Variants in GNG2 observed in about 807,000 individuals in gnomAD.
GNG2 encodes the protein G protein subunit gamma 2, also known as guanine nucleotide-binding protein G(I)/G(S)/G(O) subunit gamma-2.
GNG2 carries 5 observed loss-of-function variants against 5.5 expected under a neutral mutation model. The ratio of observed to expected loss-of-function variants is 0.91; its 90% CI spans 0.48 to 1.92. The LOEUF (loss-of-function observed/expected upper bound fraction) is 1.92. Ranked by LOEUF, GNG2 falls within the 30% of genes most tolerant of loss-of-function variation. The pLI, the probability that GNG2 is intolerant of heterozygous loss-of-function variation, is 0.01. For missense variants in GNG2, 55 were observed against 88.4 expected (o/e 0.62, Z 1.52); for synonymous variants, 28 against 32.0 (o/e 0.88, Z 0.42).
intron 3 of GNG2, among the ~76,000 whole-genome samples, chr14:51,952,908 A>G (rs912031690): frequency 8.5e-5 from 13 of 152,212 alleles, no homozygotes; most frequent in African/African-American, 3.1e-4. Flanking sequence ...ATGATTCCCC[A>G]TCACCAGTAA....
intron 2 of GNG2, among the ~76,000 whole-genome samples, chr14:51,918,015 G>A (rs546043589): frequency 1.4e-5 from 2 of 139,738 alleles, no homozygotes; most frequent in Admixed American, 1.5e-4. Flanking sequence ...AAGAGAGAGA[G>A]ACTCCATCTC....
rs572651600 is a variant in GNG2, at chr14:51,925,627, T to C, written c.-29-25023T>C. ...TGAAGTCTTTTCTTTTATATTATTT[T>C]TTGAGACAGGGTCTCACTCTATCAC... On this transcript the variant is annotated intron_variant, in intron 2 of 3. Transcript: ENST00000556766. 5.9e-5 allele frequency among the ~76,000 whole-genome samples: 9 copies of C among 152,318 alleles called. No homozygotes were observed. The East Asian group carries it at 1.3e-3, about 23-fold the overall frequency.
intron 3 of GNG2, chr14:51,952,079 G>C: frequency 3.3e-6 from 2 of 598,156 alleles, no homozygotes; most frequent in South Asian, 4.1e-5. Context: ...GTATAGCCAA[G>C]GTTGAGAACC....
chr14:51,836,950 C>A (rs77988830), intron 2 of GNG2, among the ~76,000 whole-genome samples: 33,671 of 150,366 alleles, frequency 0.22, 4,460 homozygotes, highest in African/African-American at 0.36. Flanking sequence ...CTCTGCCTCC[C>A]GGGTTCAAGC....
chr14:51,865,362 T>C (rs978644070), intron 1 of GNG2, among the ~76,000 whole-genome samples: 3 of 152,138 alleles, frequency 2.0e-5, no homozygotes, highest in Non-Finnish European at 4.4e-5. Flanking sequence ...CTATGTTAAT[T>C]AGCCTGATTT....
chr14:51,852,962 TC>T (rs1393184536), intron 2 of GNG2, among the ~76,000 whole-genome samples: 4 of 152,184 alleles, frequency 2.6e-5, no homozygotes, highest in African/African-American at 9.7e-5. Flanking sequence ...TATTACTTGG[TC>T]GGTAACTTCA....
intron 3 of GNG2, among the ~76,000 whole-genome samples, chr14:51,955,322 A>G (rs140684258): frequency 0.011 from 1,665 of 152,104 alleles, 19 homozygotes; most frequent in Middle Eastern, 0.02. Context: ...GCCTCTCCCA[A>G]TCTTATTCCT....
intron 2 of GNG2, chr14:51,914,090 C>A: frequency 4.9e-6 from 3 of 609,292 alleles, no homozygotes; most frequent in Non-Finnish European, 8.9e-6. Flanking sequence ...GCTTGCTTGC[C>A]TTTTTATCTA....
chr14:51,929,592 G>A (rs181378613), intron 2 of GNG2, among the ~76,000 whole-genome samples: 1 of 152,356 alleles, frequency 6.6e-6, no homozygotes, highest in East Asian at 1.9e-4. Flanking sequence ...AGTGATTGGA[G>A]GTGGGTGGGG....
chr14:51,900,515 T>C (rs1885479205), intron 2 of GNG2, among the ~76,000 whole-genome samples: 1 of 150,688 alleles, frequency 6.6e-6, no homozygotes, highest in Non-Finnish European at 1.5e-5. Flanking sequence ...TTTGGGGTTA[T>C]TTTTTCATTC....
intron 2 of GNG2, among the ~76,000 whole-genome samples, chr14:51,835,200 G>T (rs918438158): frequency 6.6e-6 from 1 of 152,184 alleles, no homozygotes; most frequent in Admixed American, 6.5e-5. Flanking sequence ...AACAATTACT[G>T]TAAGAAGCAA....
At chr14:51,839,085 G>A (rs1039723489) in intron 2 of GNG2, among the ~76,000 whole-genome samples, 26 of 152,134 alleles carry the variant, frequency 1.7e-4, no homozygotes, top group African/African-American at 5.3e-4. Flanking sequence ...TTGTGAGCCC[G>A]AAATATCTGA....
chr14:51,906,739 C>A (rs886929662), intron 2 of GNG2, among the ~76,000 whole-genome samples: 1 of 144,912 alleles, frequency 6.9e-6, no homozygotes, highest in African/African-American at 2.6e-5. Context: ...ATTTTGCATG[C>A]AGCCTGCTGG....
intron 2 of GNG2, chr14:51,940,381 G>A (rs186675171): frequency 4.6e-5 from 7 of 152,362 alleles, no homozygotes; most frequent in African/African-American, 1.2e-4. Flanking sequence ...AACTTGGGGG[G>A]GCTCAAGATT....
intron 2 of GNG2, among the ~76,000 whole-genome samples, chr14:51,943,758 A>G (rs1005053180): frequency 1.3e-5 from 2 of 152,000 alleles, no homozygotes; most frequent in Non-Finnish European, 2.9e-5. Flanking sequence ...TAAAAGACTT[A>G]TTCAACAAAA....
At chr14:51,961,325 C>T (rs1254361539) in intron 3 of GNG2, among the ~76,000 whole-genome samples, 1 of 152,034 alleles carries the variant, frequency 6.6e-6, no homozygotes, top group African/African-American at 2.4e-5. Context: ...TTGCAAGTAT[C>T]CAGACTACAC....
intron 2 of GNG2, among the ~76,000 whole-genome samples, chr14:51,847,840 C>A (rs1881693700): frequency 7.1e-6 from 1 of 141,718 alleles, no homozygotes; most frequent in African/African-American, 2.6e-5. Flanking sequence ...TCTAATAGGC[C>A]AGGACATAGG....
At chr14:51,902,953 T>C (rs772830697) in intron 2 of GNG2, among the ~76,000 whole-genome samples, 3 of 152,126 alleles carry the variant, frequency 2.0e-5, no homozygotes, top group Non-Finnish European at 4.4e-5. Flanking sequence ...AGGAGAACTA[T>C]TGTGGAAACA....
At chr14:51,943,257 T>C (rs577971399) in intron 2 of GNG2, among the ~76,000 whole-genome samples, 106 of 152,346 alleles carry the variant, frequency 7.0e-4, no homozygotes, top group Non-Finnish European at 8.7e-4. Flanking sequence ...GGTTTTTTGT[T>C]GTTGTTGTCA....
Sources: gnomAD v4.1 joint callset for allele counts (sites outside exome capture counted in the v4.1 genomes callset) on GRCh38, gnomAD v4.1.1 for gene constraint, MANE v1.5 for transcripts, NCBI Gene and HGNC (gene_info 2026-07-23, HGNC 2026-07-21) for gene names.